The following NOS1 variants were observed in gnomAD, a reference collection of about 807,000 sequenced individuals.
NOS1 encodes the protein nitric oxide synthase 1, also known as NOS type I.
Under a neutral mutation model 164.5 loss-of-function variants are expected in NOS1, and 51 were observed. The ratio of observed to expected loss-of-function variants is 0.31; its 90% CI spans 0.25 to 0.39. NOS1 has a LOEUF of 0.39. NOS1 is among the 10% of genes least tolerant of loss of function. NOS1 has a pLI of 1.00. For synonymous variants in NOS1, 719 were observed against 745.8 expected, an observed-to-expected ratio of 0.96 and a Z score of 0.59; for missense variants, 1,362 against 1,885.6, an observed-to-expected ratio of 0.72 and a Z score of 5.14.
chr12:117,262,488 G>GGGGGGA (rs1555253180), intron 13 of NOS1, among the ~76,000 whole-genome samples: 3 of 118,582 alleles, frequency 2.5e-5, no homozygotes, highest in African/African-American at 7.5e-5. Flanking sequence ...AGGGGGAGGG[G>GGGGGGA]GAGAGAGAGA....
chr12:117,328,685 C>T (rs1404005683), intron 2 of NOS1, among the ~76,000 whole-genome samples: 4 of 152,220 alleles, frequency 2.6e-5, no homozygotes, highest in African/African-American at 7.2e-5. Flanking sequence ...CTGCCTCAGC[C>T]GCCTGAGTAG....
At chr12:117,263,840 C>CT (rs745583341) in intron 13 of NOS1, 49 bp downstream of exon 13, 1 of 1,424,532 alleles carries the variant, frequency 7.0e-7, no homozygotes, top group Non-Finnish European at 9.9e-7. Flanking sequence ...TCTGGGTTCT[C>CT]TGAGTTTGTG....
chr12:117,220,922 G>A (rs1199921591), intron 26 of NOS1, among the ~76,000 whole-genome samples: 1 of 151,942 alleles, frequency 6.6e-6, no homozygotes, highest in Non-Finnish European at 1.5e-5. Flanking sequence ...GGAACATGCT[G>A]GTATGGCTGT....
At chr12:117,327,280 G>T (rs1375955524) in intron 2 of NOS1, among the ~76,000 whole-genome samples, 1 of 152,182 alleles carries the variant, frequency 6.6e-6, no homozygotes, top group Non-Finnish European at 1.5e-5. Context: ...GGACAGGGAG[G>T]GTGGTAGAGG....
chr12:117,319,824 C>T (rs1390929498), intron 2 of NOS1, among the ~76,000 whole-genome samples: 9 of 152,200 alleles, frequency 5.9e-5, no homozygotes, highest in East Asian at 1.9e-4. Context: ...GTAGTTCCTA[C>T]GATCCAGGTG....
At chr12:117,311,428 T>C (rs908802628) in intron 3 of NOS1, 38 bp downstream of exon 3, 2 of 1,564,294 alleles carry the variant, frequency 1.3e-6, no homozygotes, top group Admixed American at 1.9e-5. Flanking sequence ...CGAGAAGGCG[T>C]GGGAAGCAGT....
intron 11 of NOS1, among the ~76,000 whole-genome samples, chr12:117,266,264 C>G (rs1008577307): frequency 5.3e-5 from 8 of 152,114 alleles, no homozygotes; most frequent in African/African-American, 9.7e-5. Context: ...ACCCCCTTCC[C>G]ACCCTTTCCC....
Position 117,234,960 on chromosome 12 carries a change from C to T in NOS1, c.3042-202G>A, listed in dbSNP as rs1869582029. On this transcript the variant is annotated intron_variant, in intron 20 of 28. Transcript: ENST00000317775. The surrounding 1 kb of genome is among the most constrained non-coding windows in gnomAD (Gnocchi z 4.3). Reference sequence around the variant, plus strand: ...GTGAGATAGGGTTTTGCTCTGTCACCCTGGCTGGAGTGCAGTGGTGCGATC... The same window carrying T: ...GTGAGATAGGGTTTTGCTCTGTCACTCTGGCTGGAGTGCAGTGGTGCGATC... 6.6e-6 allele frequency among the ~76,000 whole-genome samples: 1 copy of T among 151,820 alleles called. No homozygotes were observed. The highest frequency in any genetic ancestry group is 2.4e-5 in the African/African-American group (1 of 41,322).
chr12:117,332,303 C>T (rs945154955), intron 1 of NOS1, among the ~76,000 whole-genome samples: 1 of 152,128 alleles, frequency 6.6e-6, no homozygotes, highest in African/African-American at 2.4e-5. Context: ...TCACGATAAC[C>T]CCTCAAGAGA....
At position 117,278,062 on chromosome 12, in the gene NOS1, G is replaced by A; in HGVS notation, c.1561C>T (p.Arg521Cys). ...IQQGWKPPRG[R>C]FDVLPLLLQA... ...AGCAGGAGCGGCAGGACATCGAAGC[G>A]GCCTCTAGGCGGTTTCCAGCCCTGC... The change falls in exon 9 of 29, where the codon CGC becomes TGC. Residue 521 changes from arginine (R) to cysteine (C), a missense_variant. By Grantham distance (180) the Arg-to-Cys change is radical. Transcript: ENST00000317775. 1.2e-6 allele frequency: 2 copies of A among 1,613,922 alleles called. No individual in the cohort carries two copies. The highest frequency in any genetic ancestry group is 1.1e-5 in the South Asian group (1 of 91,052).
chr12:117,286,364 A>G, intron 5 of NOS1, 98 bp from the exon 6 acceptor site: 5 of 1,334,036 alleles, frequency 3.7e-6, no homozygotes, highest in Non-Finnish European at 5.1e-6. Context: ...AAGCTACAAA[A>G]AATTCCAAGT....
In NOS1 at chr12:117,214,283, G is replaced by A. The variant is rs1332219947; in HGVS notation, c.*1026C>T. 13 of 985,274 alleles carry A rather than the reference G, an allele frequency of 1.3e-5. No individual in the cohort carries two copies. Among genetic ancestry groups the A allele is most frequent in the African/African-American group, 1.7e-5 (1 of 57,218 alleles). 61.0% of individuals were successfully genotyped at this position (985,274 alleles called of 1,614,324 possible). ...TAATCCATTCATATTCTTTAGGTTC[G>A]TATGACATTATGACTAGGAAAAACT... is the stretch of plus-strand genomic sequence containing the variant. On this transcript the variant is annotated 3_prime_UTR_variant, in exon 29 of 29. Transcript: ENST00000317775.
At chr12:117,286,294 C>T (rs1331998328) in intron 5 of NOS1, 28 bp from the exon 6 acceptor site, 1 of 1,611,668 alleles carries the variant, frequency 6.2e-7, no homozygotes, top group South Asian at 1.1e-5. Context: ...GACATGGGAA[C>T]ATCACCCCCT....
rs79103294 is a variant in NOS1 at position 117,324,803 on chromosome 12, C to T, written c.725+5542G>A. ...GATTCACTATCTGCCTTCCCCAAAC[C>T]CCCTCGTATTGCTGCCACTGCCTGC... On this transcript the variant is annotated intron_variant, in intron 2 of 28. Transcript: ENST00000317775. Among the ~76,000 whole-genome samples, 113 of 152,214 alleles carry T rather than the reference C, an allele frequency of 7.4e-4. 1 individual carries two copies. In the East Asian group the frequency reaches 0.018, roughly 25 times the overall value.
At chr12:117,277,120 CT>C (rs1332499162) in intron 9 of NOS1, among the ~76,000 whole-genome samples, 1 of 152,116 alleles carries the variant, frequency 6.6e-6, no homozygotes, top group East Asian at 1.9e-4. Flanking sequence ...CAAGGGTTCC[CT>C]TTTCTCTACA....
intron 11 of NOS1, among the ~76,000 whole-genome samples, chr12:117,267,378 G>C (rs1335021714): frequency 1.3e-5 from 2 of 152,202 alleles, no homozygotes; most frequent in African/African-American, 4.8e-5. Context: ...CCTGAAGTCA[G>C]GAGTTCAAGA....
At chr12:117,332,635 C>T (rs1236190319) in intron 1 of NOS1, among the ~76,000 whole-genome samples, 3 of 152,004 alleles carry the variant, frequency 2.0e-5, no homozygotes, top group Admixed American at 6.6e-5. Context: ...GAGGCCAAGG[C>T]GGGCGGATCA....
chr12:117,333,188 A>C (rs1426175283), intron 1 of NOS1, among the ~76,000 whole-genome samples: 1 of 152,174 alleles, frequency 6.6e-6, no homozygotes, highest in Admixed American at 6.5e-5. Flanking sequence ...TGCAAGTTCA[A>C]AAAGATAGGT....
intron 10 of NOS1, among the ~76,000 whole-genome samples, chr12:117,269,745 C>A (rs569561906): frequency 6.6e-6 from 1 of 152,230 alleles, no homozygotes; most frequent in African/African-American, 2.4e-5. Flanking sequence ...GGATTACAGG[C>A]GTGAGCCGCT....
Sources: gnomAD v4.1 joint callset for allele counts (sites outside exome capture counted in the v4.1 genomes callset) on GRCh38, gnomAD v4.1.1 for gene constraint, Gnocchi (gnomAD v3.1) non-coding constraint, MANE v1.5 for transcripts, NCBI Gene and HGNC (gene_info 2026-07-23, HGNC 2026-07-21) for gene names.